SMYD3: variants seen among roughly 807,000 people sequenced by gnomAD.
The protein encoded by SMYD3 is SET and MYND domain containing 3, also known as histone-lysine N-methyltransferase SMYD3.
In SMYD3, 36 loss-of-function variants were observed where a neutral mutation model predicts 57.7. The observed-to-expected ratio is 0.62, with a 90% CI of 0.48 to 0.82. The LOEUF is 0.82. Among genes scored for constraint, SMYD3 ranks in the 40% least tolerant of loss-of-function variants. SMYD3 has a pLI of 0.00. For missense variants in SMYD3, 515 were observed against 538.8 expected, an observed-to-expected ratio of 0.96 and a Z score of 0.44; for synonymous variants, 211 against 195.0, an observed-to-expected ratio of 1.08 and a Z score of -0.68.
chr1:246,113,549 C>T (rs564779743), intron 5 of SMYD3: 14 of 152,238 alleles, frequency 9.2e-5, no homozygotes, highest in African/African-American at 3.1e-4. Flanking sequence ...AAAAAGGCAT[C>T]GGTATAGTGC....
chr1:245,940,652 C>G (rs1362315833), intron 5 of SMYD3, among the ~76,000 whole-genome samples: 1 of 151,664 alleles, frequency 6.6e-6, no homozygotes, highest in Non-Finnish European at 1.5e-5. Context: ...ACAAAAACCC[C>G]ACCTAAAGGT....
intron 5 of SMYD3, among the ~76,000 whole-genome samples, chr1:246,168,330 T>C (rs1462931697): frequency 6.6e-6 from 1 of 152,200 alleles, no homozygotes; most frequent in Non-Finnish European, 1.5e-5. Flanking sequence ...GATTCAGCCA[T>C]GTAAGGGTAG....
At chr1:245,949,903 C>A (rs1037516825) in intron 5 of SMYD3, among the ~76,000 whole-genome samples, 1 of 138,258 alleles carries the variant, frequency 7.2e-6, no homozygotes, top group African/African-American at 2.7e-5. Flanking sequence ...CCACTATAGA[C>A]CTATCTTCAG....
intron 5 of SMYD3, among the ~76,000 whole-genome samples, chr1:246,218,188 A>G (rs2063194332): frequency 6.6e-6 from 1 of 152,056 alleles, no homozygotes; most frequent in Admixed American, 6.6e-5. Flanking sequence ...CCAAATTATA[A>G]CACATAAAAA....
chr1:246,430,662 C>T (rs1034900716), intron 1 of SMYD3, among the ~76,000 whole-genome samples: 1 of 152,010 alleles, frequency 6.6e-6, no homozygotes, highest in African/African-American at 2.4e-5. Flanking sequence ...AGAAGCCACC[C>T]AGATATAAGT....
At chr1:245,977,821 C>A (rs1205310824) in intron 5 of SMYD3, among the ~76,000 whole-genome samples, 1 of 152,194 alleles carries the variant, frequency 6.6e-6, no homozygotes, top group East Asian at 1.9e-4. Flanking sequence ...AAGGTTGGCC[C>A]CATGCAGGGA....
At chr1:246,249,765 T>C (rs2063772090) in intron 5 of SMYD3, among the ~76,000 whole-genome samples, 1 of 152,234 alleles carries the variant, frequency 6.6e-6, no homozygotes, top group Non-Finnish European at 1.5e-5. Context: ...CAGGTCACGT[T>C]AAGTCTATTG....
At chr1:246,122,066 A>T (rs1207844717) in intron 5 of SMYD3, among the ~76,000 whole-genome samples, 6 of 80,284 alleles carry the variant, frequency 7.5e-5, no homozygotes, top group East Asian at 1.2e-3. Context: ...AAGACTAATT[A>T]AAAAAAAAAA....
intron 10 of SMYD3, among the ~76,000 whole-genome samples, chr1:245,791,958 G>GTGTGTGTGTGTGTA (rs2047292385): frequency 7.2e-6 from 1 of 139,516 alleles, no homozygotes; most frequent in African/African-American, 3.3e-5. Context: ...AAACTTGTGT[G>GTGTGTGTGTGTGTA]TGTGTGTGTG....
At chr1:246,248,631 C>CTTGTTTTT (rs1309872022) in intron 5 of SMYD3, among the ~76,000 whole-genome samples, 2,586 of 118,904 alleles carry the variant, frequency 0.022, 264 homozygotes, top group East Asian at 0.078. Flanking sequence ...AGCTCTCTGA[C>CTTGTTTTT]TTTCCTTTTT....
At chr1:246,495,052 A>T (rs1376439427) in intron 1 of SMYD3, among the ~76,000 whole-genome samples, 2 of 152,208 alleles carry the variant, frequency 1.3e-5, no homozygotes, top group Non-Finnish European at 2.9e-5. Context: ...GGGGAGTATT[A>T]AAAATGTCTA....
chr1:245,836,433 G>C (rs925996284), intron 10 of SMYD3, among the ~76,000 whole-genome samples: 1 of 152,192 alleles, frequency 6.6e-6, no homozygotes, highest in African/African-American at 2.4e-5. Context: ...AGCCGTCTTC[G>C]TGCAAGGCAA....
intron 10 of SMYD3, among the ~76,000 whole-genome samples, chr1:245,770,630 A>C (rs1012486871): frequency 1.3e-5 from 2 of 152,226 alleles, no homozygotes; most frequent in African/African-American, 4.8e-5. Flanking sequence ...CCCGGCATAC[A>C]AAAAGACAAG....
chr1:246,297,284 AGTT>A (rs1187889181), intron 5 of SMYD3, among the ~76,000 whole-genome samples: 1 of 152,198 alleles, frequency 6.6e-6, no homozygotes, highest in East Asian at 1.9e-4. Context: ...ATAAAAGAGG[AGTT>A]TCATTAAGGA....
chr1:246,014,151 C>T (rs1219116373), intron 5 of SMYD3, among the ~76,000 whole-genome samples: 5 of 152,164 alleles, frequency 3.3e-5, no homozygotes, highest in Admixed American at 6.5e-5. Flanking sequence ...GGCGAAACCC[C>T]GTCTCTACTA....
At chr1:246,200,049 T>C (rs567653929) in intron 5 of SMYD3, among the ~76,000 whole-genome samples, 65 of 139,948 alleles carry the variant, frequency 4.6e-4, no homozygotes, top group Admixed American at 2.3e-3. Context: ...AGCAAGAATG[T>C]ACACAAACAC....
chr1:246,272,503 G>A (rs1373607744), intron 5 of SMYD3, among the ~76,000 whole-genome samples: 2 of 152,070 alleles, frequency 1.3e-5, no homozygotes, highest in Non-Finnish European at 2.9e-5. Flanking sequence ...ATTGAATTTT[G>A]TCAAAATGAT....
chr1:246,042,397 C>T (rs2059893841), intron 5 of SMYD3, among the ~76,000 whole-genome samples: 1 of 152,172 alleles, frequency 6.6e-6, no homozygotes. Context: ...GAGCCACATA[C>T]TCAGGGTTTG....
At chr1:246,283,344 T>C (rs1278810293) in intron 5 of SMYD3, among the ~76,000 whole-genome samples, 1 of 152,204 alleles carries the variant, frequency 6.6e-6, no homozygotes, top group Admixed American at 6.5e-5. Flanking sequence ...CATGAGCTAT[T>C]GCCATTATTA....
Sources: gnomAD v4.1 joint callset for allele counts (sites outside exome capture counted in the v4.1 genomes callset) on GRCh38, gnomAD v4.1.1 for gene constraint, MANE v1.5 for transcripts, NCBI Gene and HGNC (gene_info 2026-07-23, HGNC 2026-07-21) for gene names.